RPS12: variants seen among roughly 807,000 people sequenced by gnomAD.
The protein encoded by RPS12 is ribosomal protein S12.
RPS12 carries 1 observed loss-of-function variant against 17.2 expected under a neutral mutation model. The observed-to-expected ratio is 0.06, with a 90% CI of 0.02 to 0.28. RPS12 has a LOEUF of 0.28. Among genes scored for constraint, RPS12 ranks in the 10% least tolerant of loss-of-function variants. The probability of loss-of-function intolerance (pLI) is 1.00; values close to 1 mark genes in which losing one functional copy is unlikely to be tolerated. For missense variants in RPS12, 146 were observed against 162.1 expected (o/e 0.90, Z 0.54); for synonymous variants, 67 against 54.0 (o/e 1.24, Z -1.06).
chr6:132,815,630 A>C, intron 3 of RPS12: 1 of 456,618 alleles, frequency 2.2e-6, no homozygotes, highest in Non-Finnish European at 4.4e-6. Flanking sequence ...TTGACAAATC[A>C]ACCTACTCTT....
intron 3 of RPS12, 61 bp from the exon 4 acceptor site, chr6:132,816,400 G>T: frequency 7.7e-7 from 1 of 1,290,586 alleles, no homozygotes. Flanking sequence ...CTCCTAAAAT[G>T]CAAGAATGAT....
chr6:132,815,742 T>C (rs1321082968), intron 3 of RPS12: 1 of 456,750 alleles, frequency 2.2e-6, no homozygotes, highest in Admixed American at 2.3e-5. Flanking sequence ...GTTTAATGTA[T>C]TTAGTAGGTC....
intron 3 of RPS12, 99 bp from the exon 4 acceptor site, chr6:132,816,362 T>G: frequency 1.2e-6 from 1 of 849,812 alleles, no homozygotes; most frequent in Non-Finnish European, 1.9e-6. Context: ...GCTGCTTATG[T>G]TTCGCAAGTG....
intron 3 of RPS12, chr6:132,815,773 T>C (rs759133988): frequency 4.4e-6 from 2 of 456,574 alleles, no homozygotes; most frequent in Non-Finnish European, 8.8e-6. Flanking sequence ...TCTTCTGTAT[T>C]TCTATTTCGG....
At position 132,814,900 on chromosome 6, in the gene RPS12, A is replaced by C. The variant is rs1782008248; in HGVS notation, c.15-72A>C. 7.8e-6 allele frequency: 11 copies of C among 1,412,546 alleles called. No homozygotes were observed. In the Admixed American group the frequency reaches 1.8e-4, roughly 24 times the overall value. 87.5% of individuals were successfully genotyped at this position (1,412,546 alleles called of 1,614,324 possible). ...CCGTAAGCGCGTCTGTTGTACACTTAGCTTTTGCTGAGTGCAAGGCCTTAT... is the reference window on the plus strand; with the variant it reads ...CCGTAAGCGCGTCTGTTGTACACTTCGCTTTTGCTGAGTGCAAGGCCTTAT... On this transcript the variant is annotated intron_variant, in intron 2 of 5. Transcript: ENST00000230050.
At chr6:132,815,604 T>G (rs1782031379) in intron 3 of RPS12, 1 of 455,986 alleles carries the variant, frequency 2.2e-6, no homozygotes, top group Non-Finnish European at 4.4e-6. Context: ...TTAATGTGTT[T>G]TTTAGGGTGG....
At chr6:132,814,904 T>G in intron 2 of RPS12, 68 bp from the exon 3 acceptor site, 1 of 1,396,752 alleles carries the variant, frequency 7.2e-7, no homozygotes, top group East Asian at 2.3e-5. Flanking sequence ...ACACTTAGCT[T>G]TTGCTGAGTG....
intron 3 of RPS12, 37 bp downstream of exon 3, chr6:132,815,125 A>C (rs760781152): frequency 1.5e-6 from 2 of 1,347,748 alleles, no homozygotes; most frequent in East Asian, 4.6e-5. Flanking sequence ...GGTTCTTGCA[A>C]CCGGAACAAA....
chr6:132,814,919 G>A, intron 2 of RPS12, 53 bp from the exon 3 acceptor site: 6 of 1,413,278 alleles, frequency 4.2e-6, no homozygotes, highest in Non-Finnish European at 6.0e-6. Flanking sequence ...TGAGTGCAAG[G>A]CCTTATGTGG....
At position 132,817,068 on chromosome 6, in the gene RPS12, C is replaced by G; in HGVS notation, c.336+7C>G. On this transcript the variant is annotated splice_region_variant and intron_variant, in intron 5 of 5. Coordinates refer to ENST00000230050, the MANE Select transcript of RPS12 (RefSeq NM_001016.4). ...CAGTTGTGTAGTAGTTAAGGTAAGT[C>G]ACCGTTTATTCTAGGGATGAAGGTT... 1 of 1,523,210 alleles carries G rather than the reference C, an allele frequency of 6.6e-7. No homozygotes were observed. Among genetic ancestry groups the G allele is most frequent in the Non-Finnish European group, 9.1e-7 (1 of 1,099,132 alleles). 94.4% of individuals were successfully genotyped at this position (1,523,210 alleles called of 1,614,324 possible).
At chr6:132,816,656 C>G in intron 4 of RPS12, 93 bp downstream of exon 4, 2 of 890,774 alleles carry the variant, frequency 2.2e-6, no homozygotes, top group Non-Finnish European at 3.7e-6. Context: ...TCATTTTGTG[C>G]AGGTGTAAAC....
chr6:132,814,600 G>T lies in RPS12; in HGVS notation c.-51G>T. On this transcript the variant is annotated 5_prime_UTR_variant, in exon 1 of 6. The change creates a new upstream start codon in the 5' untranslated region. Coordinates refer to ENST00000230050, the MANE Select transcript of RPS12 (RefSeq NM_001016.4). ...CCCTGCCGCCGCCGAGTCGCGCGGA[G>T]GCGGAGGCTTGGGGTAAGTTGAGCG... The T allele has an allele frequency of 1.2e-6, 1 of 840,332 alleles. No individual in the cohort carries two copies. Among genetic ancestry groups the T allele is most frequent in the Middle Eastern group, 2.3e-4 (1 of 4,412 alleles). The allele number at this position is 840,332 out of a possible 1,614,324, so 52.1% of individuals were successfully genotyped here. A position where few individuals can be genotyped will look rare whatever the true frequency, so the allele number is the denominator to read the frequency against.
At position 132,815,134 on chromosome 6, in the gene RPS12, A is replaced by C. The variant is rs753603819; in HGVS notation, c.131+46A>C. 4.1e-6 allele frequency: 5 copies of C among 1,209,198 alleles called. No individual in the cohort carries two copies. In the East Asian group the frequency reaches 1.2e-4, roughly 28 times the overall value. The allele number at this position is 1,209,198 out of a possible 1,614,324, so 74.9% of individuals were successfully genotyped here. On this transcript the variant is annotated intron_variant, in intron 3 of 5. Coordinates refer to ENST00000230050, the MANE Select transcript of RPS12 (RefSeq NM_001016.4). ...ACTGTGGGTTCTTGCAACCGGAACA[A>C]AACTGCCACCCAAGGGAAGAAGGCA...
intron 3 of RPS12, chr6:132,815,854 T>G: frequency 2.3e-6 from 1 of 432,174 alleles, no homozygotes; most frequent in Non-Finnish European, 4.5e-6. Flanking sequence ...TTCTTTTTTT[T>G]TTTTGAGACA....
At position 132,816,482 on chromosome 6, in the gene RPS12, G is replaced by A; in HGVS notation, c.153G>A (p.Val51=). The part of the protein sequence containing the change: ...ALDKRQAHLC[V]LASNCDEPMY... ...TCAGGCGCCAAGCCCATCTTTGTGT[G>A]CTTGCATCCAACTGTGATGAGCCTA... The change falls in exon 4 of 6, where the codon GTG becomes GTA. Residue 51 remains valine, a synonymous_variant. Transcript: ENST00000230050. 1 of 1,608,774 alleles carries A rather than the reference G, an allele frequency of 6.2e-7. No individual in the cohort carries two copies. The highest frequency in any genetic ancestry group is 2.2e-5 in the East Asian group (1 of 44,834).
intron 3 of RPS12, 55 bp downstream of exon 3, chr6:132,815,143 C>G (rs1782016705): frequency 8.9e-7 from 1 of 1,127,394 alleles, no homozygotes; most frequent in Non-Finnish European, 1.4e-6. Flanking sequence ...AAAACTGCCA[C>G]CCAAGGGAAG....
At chr6:132,816,380 A>G in intron 3 of RPS12, 81 bp from the exon 4 acceptor site, 1 of 1,050,612 alleles carries the variant, frequency 9.5e-7, no homozygotes, top group African/African-American at 1.5e-5. Context: ...GTGTTAGTGC[A>G]AAGATAACCC....
chr6:132,814,610 T>G lies in RPS12; in HGVS notation c.-41T>G, dbSNP rs897106328. 3.4e-6 allele frequency: 3 copies of G among 891,868 alleles called. No individual in the cohort carries two copies. Among genetic ancestry groups the G allele is most frequent in the Non-Finnish European group, 5.5e-6 (3 of 541,584 alleles). The allele number at this position is 891,868 out of a possible 1,614,324, so 55.2% of individuals were successfully genotyped here. A position where few individuals can be genotyped will look rare whatever the true frequency, so the allele number is the denominator to read the frequency against. On this transcript the variant is annotated 5_prime_UTR_variant, in exon 1 of 6. Coordinates refer to ENST00000230050, the MANE Select transcript of RPS12 (RefSeq NM_001016.4). ...GCCGAGTCGCGCGGAGGCGGAGGCT[T>G]GGGGTAAGTTGAGCGAGGCGGCAGG...
rs1782008498 is a variant in RPS12, at chr6:132,814,906, T to C, written c.15-66T>C. The C allele has an allele frequency of 5.7e-6, 8 of 1,398,366 alleles. No homozygotes were observed. In the South Asian group the frequency reaches 9.2e-5, roughly 16 times the overall value. The allele number at this position is 1,398,366 out of a possible 1,614,324, so 86.6% of individuals were successfully genotyped here. A position where few individuals can be genotyped will look rare whatever the true frequency, so the allele number is the denominator to read the frequency against. ...GCGCGTCTGTTGTACACTTAGCTTT[T>C]GCTGAGTGCAAGGCCTTATGTGGTG... On this transcript the variant is annotated intron_variant, in intron 2 of 5. Coordinates refer to ENST00000230050, the MANE Select transcript of RPS12 (RefSeq NM_001016.4).
Sources: allele counts gnomAD v4.1 joint callset, GRCh38; gene constraint gnomAD v4.1.1; transcripts MANE v1.5; gene names NCBI Gene and HGNC (gene_info 2026-07-23, HGNC 2026-07-21).